The following ARHGAP17 variants were observed in gnomAD, a reference collection of about 807,000 sequenced individuals.
ARHGAP17 encodes the protein Rho GTPase activating protein 17, also known as rho GTPase-activating protein 17.
A neutral mutation model predicts 99.5 loss-of-function variants in ARHGAP17; 57 were observed. The ratio of observed to expected loss-of-function variants is 0.57; its 90% CI spans 0.46 to 0.71. ARHGAP17 has a LOEUF of 0.71. Among genes scored for constraint, ARHGAP17 ranks in the 30% least tolerant of loss-of-function variants. The pLI is 0.00. For synonymous variants in ARHGAP17, 417 were observed against 429.6 expected, an observed-to-expected ratio of 0.97 and a Z score of 0.36; for missense variants, 1,000 against 1,122.4, an observed-to-expected ratio of 0.89 and a Z score of 1.56.
intron 17 of ARHGAP17, among the ~76,000 whole-genome samples, chr16:24,937,895 G>A (rs529301189): frequency 6.6e-6 from 1 of 152,180 alleles, no homozygotes; most frequent in African/African-American, 2.4e-5. Context: ...ATGATCATTC[G>A]GTGTGTTGTG....
chr16:24,939,064 T>C (rs537943738), intron 17 of ARHGAP17, among the ~76,000 whole-genome samples: 1 of 152,336 alleles, frequency 6.6e-6, no homozygotes, highest in African/African-American at 2.4e-5. Flanking sequence ...GCTGACAGTA[T>C]ACATCCAACA....
At chr16:24,930,553 C>G in intron 19 of ARHGAP17, 1 of 804,214 alleles carries the variant, frequency 1.2e-6, no homozygotes, top group East Asian at 2.6e-5. Flanking sequence ...GTCACGACTA[C>G]CCAGCTCTGC....
chr16:24,944,257 GAA>G (rs944282713), intron 14 of ARHGAP17, among the ~76,000 whole-genome samples: 1 of 139,180 alleles, frequency 7.2e-6, no homozygotes, highest in African/African-American at 2.9e-5. Flanking sequence ...GTGACAGAGC[GAA>G]ACTCTGTCTC....
At chr16:25,005,704 T>C (rs565620642) in intron 1 of ARHGAP17, among the ~76,000 whole-genome samples, 33 of 132,872 alleles carry the variant, frequency 2.5e-4, no homozygotes, top group Non-Finnish European at 5.2e-4. Context: ...AAATGACACA[T>C]ACAGAGAAAA....
chr16:25,010,051 T>C (rs2053603222), intron 1 of ARHGAP17, among the ~76,000 whole-genome samples: 1 of 151,970 alleles, frequency 6.6e-6, no homozygotes, highest in East Asian at 1.9e-4. Context: ...CTGTGCAAAC[T>C]TAGAAAGTCA....
chr16:24,922,714 T>C lies in ARHGAP17; in HGVS notation c.2516-2454A>G, dbSNP rs548262861. 5.0e-3 allele frequency among the ~76,000 whole-genome samples: 769 copies of C among 152,284 alleles called. 6 individuals are homozygous for C. Among genetic ancestry groups the C allele is most frequent in the African/African-American group, 0.018 (744 of 41,572 alleles). On this transcript the variant is annotated intron_variant, in intron 19 of 19. Transcript: ENST00000289968. ...TTTTTGAGATGGGGTCTTGCTCTTT[T>C]GCCCAGGCTGGAGTGCAGTCGTGCA... is the stretch of plus-strand genomic sequence containing the variant.
At chr16:24,985,977 T>C (rs2052855018) in intron 1 of ARHGAP17, among the ~76,000 whole-genome samples, 1 of 152,188 alleles carries the variant, frequency 6.6e-6, no homozygotes, top group Admixed American at 6.5e-5. Flanking sequence ...GGATATACCA[T>C]GTTCTACTTA....
In ARHGAP17 at chr16:25,003,026, G is replaced by A. The variant is rs1364132144; in HGVS notation, c.53+12183C>T. 7.0e-4 allele frequency among the ~76,000 whole-genome samples: 76 copies of A among 108,442 alleles called. 1 individual carries two copies. Among genetic ancestry groups the A allele is most frequent in the Non-Finnish European group, 2.6e-4 (15 of 57,280 alleles). 71.1% of individuals were successfully genotyped at this position (108,442 alleles called of 152,430 possible). Reference sequence around the variant, plus strand: ...TGCACTCCAGCCTGGGGAACAGAGCGAGACTCCGTCTCAAAAAAAAAAAAA... The same window carrying A: ...TGCACTCCAGCCTGGGGAACAGAGCAAGACTCCGTCTCAAAAAAAAAAAAA... On this transcript the variant is annotated intron_variant, in intron 1 of 19. Coordinates refer to ENST00000289968, the MANE Select transcript of ARHGAP17 (RefSeq NM_001006634.3).
At chr16:24,947,746 A>C in intron 13 of ARHGAP17, 151 bp from the exon 14 acceptor site, 1 of 623,320 alleles carries the variant, frequency 1.6e-6, no homozygotes, top group Non-Finnish European at 2.8e-6. Context: ...CATTTTATAC[A>C]TTTCTTGTGT....
At chr16:24,994,833 C>A (rs2053147914) in intron 1 of ARHGAP17, among the ~76,000 whole-genome samples, 1 of 152,186 alleles carries the variant, frequency 6.6e-6, no homozygotes, top group African/African-American at 2.4e-5. Flanking sequence ...CCCACCTAAT[C>A]CTCAAGACAA....
chr16:24,974,717 C>G (rs149544808), intron 3 of ARHGAP17, among the ~76,000 whole-genome samples: 1 of 152,252 alleles, frequency 6.6e-6, no homozygotes, highest in African/African-American at 2.4e-5. Context: ...GTGACTACAA[C>G]AGTCCAGGTG....
chr16:24,963,264 A>T (rs2052067508), intron 7 of ARHGAP17, among the ~76,000 whole-genome samples: 1 of 152,242 alleles, frequency 6.6e-6, no homozygotes, highest in African/African-American at 2.4e-5. Flanking sequence ...AAACAAAGGC[A>T]TAACTTTGTG....
At position 24,950,836 on chromosome 16, in the gene ARHGAP17, C is replaced by CAAAAAAAAAAAAAAA. The variant is rs1177614713; in HGVS notation, c.1047-1367_1047-1353dup. ...TGGGCGACAGAGTGGGACTCCAACTCAAAAAAAAAAAAAAAAAAAAAAGAA... is the reference window on the plus strand; with the variant it reads ...TGGGCGACAGAGTGGGACTCCAACTCAAAAAAAAAAAAAAAAAAAAAAAAAAAAAAAAAAAAAGAA... On this transcript the variant is annotated intron_variant, in intron 12 of 19. Transcript: ENST00000289968. Among the ~76,000 whole-genome samples the CAAAAAAAAAAAAAAA allele has an allele frequency of 6.0e-3, 236 of 39,392 alleles. 16 individuals are homozygous for CAAAAAAAAAAAAAAA. The highest frequency in any genetic ancestry group is 0.023 in the African/African-American group (219 of 9,498). The allele number at this position is 39,392 out of a possible 152,430, so 25.8% of individuals were successfully genotyped here.
At chr16:24,952,474 AG>A (rs1320823019) in intron 11 of ARHGAP17, 104 bp from the exon 12 acceptor site, 1 of 812,544 alleles carries the variant, frequency 1.2e-6, no homozygotes, top group Non-Finnish European at 2.0e-6. Context: ...CGATCTTCCA[AG>A]GTGTACATAA....
At chr16:24,937,999 C>T (rs2051189143) in intron 17 of ARHGAP17, among the ~76,000 whole-genome samples, 1 of 152,172 alleles carries the variant, frequency 6.6e-6, no homozygotes, top group Non-Finnish European at 1.5e-5. Flanking sequence ...GAGATGCCAC[C>T]TGAAGTAGCC....
At chr16:24,929,998 C>T (rs1597360786) in intron 19 of ARHGAP17, among the ~76,000 whole-genome samples, 1 of 152,258 alleles carries the variant, frequency 6.6e-6, no homozygotes, top group East Asian at 1.9e-4. Context: ...TTTTTAAAAA[C>T]ACACTAGAAA....
Position 24,955,056 on chromosome 16 carries a change from C to CA in ARHGAP17, c.725-327dup, listed in dbSNP as rs2051767225. 2 of 239,590 alleles carry CA rather than the reference C, an allele frequency of 8.3e-6. No individual in the cohort carries two copies. The allele number at this position is 239,590 out of a possible 1,614,324, so 14.8% of individuals were successfully genotyped here. A position where few individuals can be genotyped will look rare whatever the true frequency, so the allele number is the denominator to read the frequency against. On this transcript the variant is annotated intron_variant, in intron 9 of 19. Coordinates refer to ENST00000289968, the MANE Select transcript of ARHGAP17 (RefSeq NM_001006634.3). This position sits in a 1 kb window ranked among gnomAD's most constrained non-coding sequence, Gnocchi z 4.0. ...GCGGGTTTAGTGGGCTGCCTTGAAC[C>CA]AAAAGGAAGATTTGCCAGAGCATAC... is the stretch of plus-strand genomic sequence containing the variant.
chr16:25,011,042 T>C (rs1475101260), intron 1 of ARHGAP17, among the ~76,000 whole-genome samples: 6 of 152,230 alleles, frequency 3.9e-5, no homozygotes, highest in Non-Finnish European at 7.3e-5. Flanking sequence ...TTGATACTTC[T>C]GTAACTTCAA....
chr16:24,955,148 T>A lies in ARHGAP17; in HGVS notation c.725-418A>T, dbSNP rs2141248531. On this transcript the variant is annotated intron_variant, in intron 9 of 19. Transcript: ENST00000289968. The surrounding 1 kb of genome is among the most constrained non-coding windows in gnomAD (Gnocchi z 4.0). ...TCTAGCTAGAGGACAAGAAATAGAT[T>A]CTTTGCTATGCAAAAATGGAAATGA... 6.4e-6 allele frequency: 1 copy of A among 156,932 alleles called. No homozygotes were observed. Among genetic ancestry groups the A allele is most frequent in the East Asian group, 1.9e-4 (1 of 5,334 alleles). The allele number at this position is 156,932 out of a possible 1,614,324, so 9.7% of individuals were successfully genotyped here.
Sources: allele counts gnomAD v4.1 joint callset (sites outside exome capture counted in the v4.1 genomes callset), GRCh38; gene constraint gnomAD v4.1.1; non-coding constraint Gnocchi (gnomAD v3.1); transcripts MANE v1.5; gene names NCBI Gene and HGNC (gene_info 2026-07-23, HGNC 2026-07-21).